The following ASXL1 variants were observed in gnomAD, a reference collection of about 807,000 sequenced individuals.
The protein encoded by ASXL1 is polycomb group protein ASXL1.
ASXL1 carries 65 observed loss-of-function variants against 89.1 expected under a neutral mutation model. That is an observed-to-expected ratio of 0.73 (90% CI 0.60 to 0.90). ASXL1 has a LOEUF of 0.90. Ranked by LOEUF, ASXL1 falls within the 40% of genes least tolerant of loss-of-function variation. The pLI is 0.00. For missense variants in ASXL1, 1,786 were observed against 1,942.9 expected, an observed-to-expected ratio of 0.92 and a Z score of 1.52; for synonymous variants, 739 against 746.9, an observed-to-expected ratio of 0.99 and a Z score of 0.17.
chr20:32,379,161 C>CTTTTTTTTTTTTTTTT (rs71187113), intron 4 of ASXL1, among the ~76,000 whole-genome samples: 3 of 61,794 alleles, frequency 4.9e-5, no homozygotes, highest in African/African-American at 6.9e-5. Context: ...TAACTTCAGT[C>CTTTTTTTTTTTTTTTT]TTTTTTTTTT....
rs117901891 is a variant in ASXL1 at position 32,436,231 on chromosome 20, G to A, written c.3519G>A (p.Leu1173=). 9,491 of 1,614,206 alleles carry A rather than the reference G, an allele frequency of 5.9e-3. 488 individuals are homozygous for A. The Admixed American group carries it at 0.11, about 18-fold the overall frequency. ...DGSSPSSLRA[L]KEPLLPDSCE... is the part of the protein sequence containing the mutation. Reference sequence around the variant, plus strand: ...GCAGCCCCAGTTCTTTAAGGGCTTTGAAGGAGCCTCTTCTGCCAGATAGCT... The same window carrying A: ...GCAGCCCCAGTTCTTTAAGGGCTTTAAAGGAGCCTCTTCTGCCAGATAGCT... Residue 1173 remains leucine, a synonymous_variant, in exon 13 of 13, where the codon TTG becomes TTA. Coordinates refer to ENST00000375687, the MANE Select transcript of ASXL1 (RefSeq NM_015338.6).
intron 4 of ASXL1, among the ~76,000 whole-genome samples, chr20:32,376,448 G>A (rs185771880): frequency 6.6e-6 from 1 of 151,294 alleles, no homozygotes; most frequent in Non-Finnish European, 1.5e-5. Context: ...CTAATTTTTT[G>A]TATTTTTAGT....
At chr20:32,424,044 A>G (rs2011207707) in intron 4 of ASXL1, among the ~76,000 whole-genome samples, 1 of 152,258 alleles carries the variant, frequency 6.6e-6, no homozygotes. Flanking sequence ...TGTTTGTTTA[A>G]CTAATGAGAT....
At chr20:32,419,878 C>A (rs187064756) in intron 4 of ASXL1, among the ~76,000 whole-genome samples, 11 of 152,110 alleles carry the variant, frequency 7.2e-5, no homozygotes, top group African/African-American at 2.2e-4. Context: ...CAGGGTTTCA[C>A]CATGTTGGCC....
At chr20:32,389,629 A>G (rs1235922326) in intron 4 of ASXL1, among the ~76,000 whole-genome samples, 1 of 151,960 alleles carries the variant, frequency 6.6e-6, no homozygotes, top group Non-Finnish European at 1.5e-5. Flanking sequence ...TCTGTTGTCC[A>G]GGCTGGAGTG....
intron 4 of ASXL1, among the ~76,000 whole-genome samples, chr20:32,375,102 A>C (rs2048355087): frequency 6.6e-6 from 1 of 152,090 alleles, no homozygotes; most frequent in South Asian, 2.1e-4. Flanking sequence ...TGGCCTCCCA[A>C]AGTGCTGGGA....
At chr20:32,365,328 TTTTA>T (rs764142655) in intron 1 of ASXL1, among the ~76,000 whole-genome samples, 2 of 151,920 alleles carry the variant, frequency 1.3e-5, no homozygotes, top group Non-Finnish European at 2.9e-5. Context: ...GAAATAGGGG[TTTTA>T]TTTTAGTACC....
intron 4 of ASXL1, among the ~76,000 whole-genome samples, chr20:32,415,741 T>C (rs2049127614): frequency 6.6e-6 from 1 of 152,206 alleles, no homozygotes; most frequent in Non-Finnish European, 1.5e-5. Flanking sequence ...AGATTTCTGT[T>C]GACATCCCTC....
At chr20:32,377,397 C>T (rs2048404858) in intron 4 of ASXL1, among the ~76,000 whole-genome samples, 1 of 151,764 alleles carries the variant, frequency 6.6e-6, no homozygotes, top group Non-Finnish European at 1.5e-5. Flanking sequence ...GTCAGGTTTA[C>T]TGATTTGCTG....
rs2123267795 is a variant in ASXL1 at position 32,433,784 on chromosome 20, A to T, written c.1586A>T (p.Gln529Leu). Reference sequence around the variant, plus strand: ...GATCAGAAGAGGAAATCCTTTGAGCAGGCGGCCTCTGCATCCTTTCCCGAA... The same window carrying T: ...GATCAGAAGAGGAAATCCTTTGAGCTGGCGGCCTCTGCATCCTTTCCCGAA... ...PKDQKRKSFE[Q>L]AASASFPEKK... The change falls in exon 12 of 13, where the codon CAG becomes CTG. Residue 529 changes from glutamine to leucine, a missense_variant. Coordinates refer to ENST00000375687, the MANE Select transcript of ASXL1 (RefSeq NM_015338.6). 1.2e-6 allele frequency: 2 copies of T among 1,614,230 alleles called. No individual in the cohort carries two copies. Among genetic ancestry groups the T allele is most frequent in the Non-Finnish European group, 1.7e-6 (2 of 1,180,040 alleles).
At position 32,436,810 on chromosome 20, in the gene ASXL1, C is replaced by T. The variant is rs143041800; in HGVS notation, c.4098C>T (p.Ser1366=). The stretch of plus-strand genomic sequence containing the variant: ...CAAAGCCACATGCCTTTGTTGGCAG[C>T]GTCAAGAATGAGAAGACTTTTGTGG... The part of the protein sequence containing the change: ...WAPKPHAFVG[S]VKNEKTFVGG... The change falls in exon 13 of 13, where the codon AGC becomes AGT. Residue 1366 remains serine, a synonymous_variant. Transcript: ENST00000375687. 907 of 1,614,148 alleles carry T rather than the reference C, an allele frequency of 5.6e-4. 1 individual carries two copies. Among genetic ancestry groups the T allele is most frequent in the Admixed American group, 3.2e-3 (192 of 60,014 alleles).
intron 4 of ASXL1, among the ~76,000 whole-genome samples, chr20:32,370,651 CAA>C (rs1368489306): frequency 6.6e-6 from 1 of 151,940 alleles, no homozygotes; most frequent in Non-Finnish European, 1.5e-5. Flanking sequence ...GGACTGTATT[CAA>C]AATAAATACC....
chr20:32,435,352 T>C lies in ASXL1; in HGVS notation c.2640T>C (p.Thr880=), dbSNP rs1378267631. 1 of 1,614,052 alleles carries C rather than the reference T, an allele frequency of 6.2e-7. No individual in the cohort carries two copies. The highest frequency in any genetic ancestry group is 8.5e-7 in the Non-Finnish European group (1 of 1,180,036). ...GSCPPMRESD[T]RQENLKTKAL... The stretch of plus-strand genomic sequence containing the variant: ...GCCCTCCTATGAGGGAAAGTGATAC[T>C]AGACAAGAAAACTTGAAAACCAAGG... The change falls in exon 13 of 13, where the codon ACT becomes ACC. Residue 880 remains threonine, a synonymous_variant. Coordinates refer to ENST00000375687, the MANE Select transcript of ASXL1 (RefSeq NM_015338.6).
chr20:32,424,712 G>A (rs2011224437), intron 4 of ASXL1, among the ~76,000 whole-genome samples: 1 of 152,144 alleles, frequency 6.6e-6, no homozygotes, highest in African/African-American at 2.4e-5. Context: ...CGTTTCTCTT[G>A]TCATTAAATG....
At chr20:32,364,540 A>G (rs1392965224) in intron 1 of ASXL1, among the ~76,000 whole-genome samples, 3 of 152,158 alleles carry the variant, frequency 2.0e-5, no homozygotes, top group Non-Finnish European at 2.9e-5. Context: ...TAAATTCTTT[A>G]AAGAGATGAG....
intron 4 of ASXL1, among the ~76,000 whole-genome samples, chr20:32,399,326 G>A (rs139890124): frequency 2.3e-3 from 353 of 151,260 alleles, no homozygotes; most frequent in African/African-American, 7.9e-3. Flanking sequence ...TGCTATCTTT[G>A]TTCTGTATTT....
chr20:32,415,822 C>A (rs1229957400), intron 4 of ASXL1, among the ~76,000 whole-genome samples: 1 of 152,154 alleles, frequency 6.6e-6, no homozygotes, highest in East Asian at 1.9e-4. Context: ...CCCTTATAGT[C>A]ATTCTAGTGA....
intron 4 of ASXL1, among the ~76,000 whole-genome samples, chr20:32,416,437 C>G (rs1431233035): frequency 6.6e-6 from 1 of 152,240 alleles, no homozygotes; most frequent in African/African-American, 2.4e-5. Flanking sequence ...CCCTGTTCTT[C>G]CCAGTAGCTA....
Position 32,433,837 on chromosome 20 carries a change from T to C in ASXL1, c.1639T>C (p.Ser547Pro). ...EKKPRLEDRQ[S>P]FRNTIESVHT... is the part of the protein sequence containing the mutation. ...GAAGCCCCGGCTTGAAGATCGTCAG[T>C]CCTTTCGTAACACAATTGAAAGTGT... The change falls in exon 12 of 13, where the codon TCC becomes CCC. Residue 547 changes from serine (S) to proline (P), a missense_variant. Ser to Pro is a moderately conservative substitution (Grantham distance 74). Around this residue, in one of 3 missense-constraint regions of ASXL1, gnomAD observed 1,418 missense variants for 1,427.8 expected, o/e 0.99. Transcript: ENST00000375687. 1 of 1,614,038 alleles carries C rather than the reference T, an allele frequency of 6.2e-7. No individual in the cohort carries two copies. Among genetic ancestry groups the C allele is most frequent in the Non-Finnish European group, 8.5e-7 (1 of 1,180,032 alleles).
Sources: gnomAD v4.1 joint callset for allele counts (sites outside exome capture counted in the v4.1 genomes callset) on GRCh38, gnomAD v4.1.1 for gene constraint, gnomAD v4.1.1 regional missense constraint, MANE v1.5 for transcripts, NCBI Gene and HGNC (gene_info 2026-07-23, HGNC 2026-07-21) for gene names.